NCKAP5: variants seen among roughly 807,000 people sequenced by gnomAD.
NCKAP5 encodes NCK associated protein 5.
Under a neutral mutation model 167.0 loss-of-function variants are expected in NCKAP5, and 92 were observed. The observed-to-expected ratio is 0.55, with a 90% CI of 0.47 to 0.66. NCKAP5 has a LOEUF of 0.66. NCKAP5 is among the 30% of genes least tolerant of loss of function. NCKAP5 has a pLI of 0.00. For synonymous variants in NCKAP5, 891 were observed against 877.4 expected, an observed-to-expected ratio of 1.02 and a Z score of -0.27; for missense variants, 2,378 against 2,315.0, an observed-to-expected ratio of 1.03 and a Z score of -0.56.
chr2:133,595,788 A>G, the NCKAP5 span, among the ~76,000 whole-genome samples: 1 of 152,178 alleles, frequency 6.6e-6, no homozygotes, highest in Admixed American at 6.5e-5. Flanking sequence ...GCCACAAACA[A>G]TATGTAAACA....
intron 2 of NCKAP5, among the ~76,000 whole-genome samples, chr2:133,540,933 C>CA (rs10666328): frequency 0.52 from 51,444 of 99,680 alleles, 12,309 homozygotes; most frequent in East Asian, 0.66. Context: ...GACTCTGTCT[C>CA]AAAAAAAAAA....
At chr2:133,243,588 GA>G (rs1365650736) in intron 4 of NCKAP5, among the ~76,000 whole-genome samples, 1 of 152,138 alleles carries the variant, frequency 6.6e-6, no homozygotes, top group Admixed American at 6.5e-5. Flanking sequence ...GCCATGGCTG[GA>G]AGCTCCATTT....
chr2:133,084,592 G>T (rs2080920566), intron 6 of NCKAP5, among the ~76,000 whole-genome samples: 4 of 152,096 alleles, frequency 2.6e-5, no homozygotes, highest in Non-Finnish European at 5.9e-5. Context: ...TCTCATTCTT[G>T]CTTCACTAAC....
chr2:133,534,547 A>G (rs1685608284), intron 2 of NCKAP5, among the ~76,000 whole-genome samples: 1 of 152,074 alleles, frequency 6.6e-6, no homozygotes, highest in Non-Finnish European at 1.5e-5. Flanking sequence ...GTCTCCATGG[A>G]TTTGTCTACT....
the NCKAP5 span, among the ~76,000 whole-genome samples, chr2:133,614,447 T>G: frequency 6.6e-6 from 1 of 151,838 alleles, no homozygotes; most frequent in South Asian, 2.1e-4. Context: ...TACAGAGAAG[T>G]GCTTAAAGGA....
chr2:132,967,120 A>C (rs1339881128), intron 7 of NCKAP5, among the ~76,000 whole-genome samples: 3 of 150,856 alleles, frequency 2.0e-5, no homozygotes, highest in Non-Finnish European at 4.4e-5. Context: ...GAAAATTTGC[A>C]AATGCAGAAT....
At chr2:132,761,612 T>A (rs1456844818) in intron 16 of NCKAP5, among the ~76,000 whole-genome samples, 2 of 152,240 alleles carry the variant, frequency 1.3e-5, no homozygotes, top group Non-Finnish European at 2.9e-5. Context: ...GATTTTGAAA[T>A]TCTAATTTGG....
chr2:132,899,286 C>T (rs1693438668), intron 8 of NCKAP5, among the ~76,000 whole-genome samples: 1 of 152,244 alleles, frequency 6.6e-6, no homozygotes. Context: ...TCTCAGCCTT[C>T]ATAGAATTGA....
At chr2:132,737,613 C>T (rs1230340790) in intron 16 of NCKAP5, among the ~76,000 whole-genome samples, 1 of 152,124 alleles carries the variant, frequency 6.6e-6, no homozygotes, top group Non-Finnish European at 1.5e-5. Context: ...ATGAGTGTTA[C>T]CCTGCTGCTC....
chr2:133,326,700 C>T (rs1682477929), intron 3 of NCKAP5, among the ~76,000 whole-genome samples: 1 of 152,110 alleles, frequency 6.6e-6, no homozygotes, highest in African/African-American at 2.4e-5. Context: ...GACCTCTACC[C>T]CATCTCTAAT....
At chr2:132,941,002 T>G (rs1405723342) in intron 8 of NCKAP5, among the ~76,000 whole-genome samples, 1 of 152,204 alleles carries the variant, frequency 6.6e-6, no homozygotes, top group Non-Finnish European at 1.5e-5. Context: ...CTACATTAAT[T>G]CATTTGCTAC....
chr2:133,649,544 G>A, the NCKAP5 span, among the ~76,000 whole-genome samples: 2 of 151,922 alleles, frequency 1.3e-5, no homozygotes, highest in Non-Finnish European at 2.9e-5. Flanking sequence ...CCATAACCAA[G>A]CGGGATTTAT....
At chr2:133,486,024 T>C (rs1474989069) in intron 3 of NCKAP5, among the ~76,000 whole-genome samples, 1 of 152,174 alleles carries the variant, frequency 6.6e-6, no homozygotes, top group Non-Finnish European at 1.5e-5. Context: ...GGAAAATGTG[T>C]GCACGCACTG....
At position 133,135,954 on chromosome 2, in the gene NCKAP5, A is replaced by C. The variant is rs2082773930; in HGVS notation, c.208-5843T>G. ...AACATTTGTCTTTAATAACCATTAC[A>C]TATTAAAGATAATCATAGATATTTC... is the stretch of plus-strand genomic sequence containing the variant. On this transcript the variant is annotated intron_variant, in intron 5 of 19. Transcript: ENST00000409261. Among the ~76,000 whole-genome samples the C allele has an allele frequency of 2.6e-5, 4 of 152,344 alleles. No homozygotes were observed. The South Asian group carries it at 8.3e-4, about 32-fold the overall frequency.
rs567743905 is a variant in NCKAP5, at chr2:133,217,677, C to T, written c.144-3898G>A. Among the ~76,000 whole-genome samples the T allele has an allele frequency of 2.6e-5, 4 of 152,172 alleles. No homozygotes were observed. The East Asian group carries it at 7.7e-4, about 29-fold the overall frequency. ...GATTATATTTAGTTCATCTCTTTAA[C>T]ACTACTAAGGCCCCTTAGTAGGAAC... On this transcript the variant is annotated intron_variant, in intron 4 of 19. Coordinates refer to ENST00000409261, the MANE Select transcript of NCKAP5 (RefSeq NM_207363.3).
At chr2:133,615,308 T>G in the NCKAP5 span, among the ~76,000 whole-genome samples, 2 of 151,042 alleles carry the variant, frequency 1.3e-5, no homozygotes, top group African/African-American at 4.8e-5. Flanking sequence ...AATATTAACT[T>G]TAAATGTAAA....
chr2:133,174,445 C>A (rs1047280353), intron 5 of NCKAP5, among the ~76,000 whole-genome samples: 1 of 152,054 alleles, frequency 6.6e-6, no homozygotes, highest in Non-Finnish European at 1.5e-5. Context: ...TGAGACTAGG[C>A]AAATTCTATT....
chr2:132,886,209 G>T (rs537535876), intron 8 of NCKAP5, among the ~76,000 whole-genome samples: 1 of 152,206 alleles, frequency 6.6e-6, no homozygotes, highest in South Asian at 2.1e-4. Flanking sequence ...GCAAAATATT[G>T]CAAAGAATTC....
intron 8 of NCKAP5, chr2:132,926,192 T>C: frequency 2.5e-6 from 1 of 401,608 alleles, no homozygotes; most frequent in Non-Finnish European, 5.1e-6. Flanking sequence ...TGGCCTCCAG[T>C]TCCATCCATG....
Sources: gnomAD v4.1 joint callset for allele counts (sites outside exome capture counted in the v4.1 genomes callset) on GRCh38, gnomAD v4.1.1 for gene constraint, MANE v1.5 for transcripts, NCBI Gene and HGNC (gene_info 2026-07-23, HGNC 2026-07-21) for gene names.